Variants in ENTREP1 observed in about 807,000 individuals in gnomAD.
ENTREP1 encodes endosomal transmembrane epsin interactor 1.
chr9:69,366,871 T>C, the ENTREP1 span, among the ~76,000 whole-genome samples: 1 of 152,030 alleles, frequency 6.6e-6, no homozygotes, highest in Non-Finnish European at 1.5e-5. Flanking sequence ...TATTTCTGGG[T>C]TCTCTATTCT....
At chr9:69,385,700 G>T in the ENTREP1 span, 3 of 1,420,504 alleles carry the variant, frequency 2.1e-6, no homozygotes, top group Non-Finnish European at 2.7e-6. Flanking sequence ...GCAGGTTTAG[G>T]CTCCCAGGTG....
At chr9:69,387,995 T>TGTTATG in the ENTREP1 span, 1 of 1,547,742 alleles carries the variant, frequency 6.5e-7, no homozygotes, top group Non-Finnish European at 8.7e-7. Context: ...AATAACCTTG[T>TGTTATG]GTTGTTTTCC....
chr9:69,346,834 C>T, the ENTREP1 span, among the ~76,000 whole-genome samples: 2 of 152,182 alleles, frequency 1.3e-5, no homozygotes, highest in South Asian at 2.1e-4. Flanking sequence ...TGATCTCCAT[C>T]TCCCAGCCTA....
At chr9:69,333,890 T>A in the ENTREP1 span, among the ~76,000 whole-genome samples, 3 of 152,192 alleles carry the variant, frequency 2.0e-5, no homozygotes, top group Non-Finnish European at 2.9e-5. Context: ...TGCACACACA[T>A]GCAAGCACAT....
chr9:69,347,957 G>A, the ENTREP1 span, among the ~76,000 whole-genome samples: 1 of 152,100 alleles, frequency 6.6e-6, no homozygotes, highest in Non-Finnish European at 1.5e-5. Flanking sequence ...TCTCTAGTAC[G>A]TGCTTGGTAT....
chr9:69,325,651 C>G, the ENTREP1 span: 2 of 1,231,512 alleles, frequency 1.6e-6, no homozygotes, highest in Admixed American at 4.2e-5. Flanking sequence ...TGGTGGCGCT[C>G]AGCTTCGGGG....
the ENTREP1 span, among the ~76,000 whole-genome samples, chr9:69,364,512 C>T: frequency 2.6e-5 from 4 of 151,838 alleles, no homozygotes; most frequent in South Asian, 4.2e-4. Context: ...ATTTTCTTGT[C>T]GTCAGTTTAA....
the ENTREP1 span, among the ~76,000 whole-genome samples, chr9:69,341,048 C>A: frequency 3.3e-5 from 5 of 152,078 alleles, no homozygotes; most frequent in African/African-American, 1.2e-4. Context: ...AAAAATTTTT[C>A]TTTGGTGGTA....
At chr9:69,356,506 C>G in the ENTREP1 span, among the ~76,000 whole-genome samples, 1 of 151,922 alleles carries the variant, frequency 6.6e-6, no homozygotes. Context: ...TGATCTGATT[C>G]TTTAACCTGC....
the ENTREP1 span, among the ~76,000 whole-genome samples, chr9:69,360,610 A>G: frequency 6.6e-6 from 1 of 152,186 alleles, no homozygotes; most frequent in Non-Finnish European, 1.5e-5. Flanking sequence ...CATATATTCA[A>G]GTACATCTGT....
At chr9:69,329,775 A>AGC in the ENTREP1 span, 2 of 240,400 alleles carry the variant, frequency 8.3e-6, no homozygotes, top group Non-Finnish European at 9.5e-6. Flanking sequence ...GGGTGCGTTT[A>AGC]GTGTTAACTA....
chr9:69,325,274 CCGGCCG>C, the ENTREP1 span: 2 of 31,418 alleles, frequency 6.4e-5, no homozygotes, highest in East Asian at 6.8e-4. Flanking sequence ...CCCGCCGCAG[CCGGCCG>C]CACCCGGCCG....
the ENTREP1 span, chr9:69,391,809 TG>T: frequency 2.5e-6 from 4 of 1,589,148 alleles, no homozygotes; most frequent in Non-Finnish European, 3.4e-6. Flanking sequence ...CTGTGAACCC[TG>T]GAAGACAGAA....
At chr9:69,391,880 TC>T in the ENTREP1 span, 2 of 1,398,484 alleles carry the variant, frequency 1.4e-6, no homozygotes, top group Non-Finnish European at 2.0e-6. Context: ...GGAGCTGTGG[TC>T]CACCTCAAAA....
At chr9:69,350,053 G>A in the ENTREP1 span, among the ~76,000 whole-genome samples, 1 of 152,122 alleles carries the variant, frequency 6.6e-6, no homozygotes, top group African/African-American at 2.4e-5. Context: ...CTTTCTTGAT[G>A]ATGCCCTTTG....
the ENTREP1 span, among the ~76,000 whole-genome samples, chr9:69,367,762 T>TACACATATATATAAATATATATAC: frequency 1.0e-4 from 9 of 86,366 alleles, no homozygotes; most frequent in African/African-American, 1.7e-4. Context: ...AATATATATA[T>TACACATATATATAAATATATATAC]ACACATATAT....
chr9:69,391,001 C>T, the ENTREP1 span, among the ~76,000 whole-genome samples: 1 of 147,558 alleles, frequency 6.8e-6, no homozygotes, highest in Non-Finnish European at 1.5e-5. Context: ...TCAGGCTGGT[C>T]TCAAACTCCT....
chr9:69,371,851 C>T, the ENTREP1 span, among the ~76,000 whole-genome samples: 1 of 152,146 alleles, frequency 6.6e-6, no homozygotes, highest in Non-Finnish European at 1.5e-5. Context: ...TATAATGCAT[C>T]ATTAGTTAGT....
the ENTREP1 span, chr9:69,329,581 T>C: frequency 1.0e-6 from 1 of 985,370 alleles, no homozygotes; most frequent in Non-Finnish European, 1.2e-6. Flanking sequence ...TTTTGAGCAC[T>C]CTGAGCATTT....
Sources: allele counts gnomAD v4.1 joint callset (sites outside exome capture counted in the v4.1 genomes callset), GRCh38; gene constraint gnomAD v4.1.1; transcripts MANE v1.5; gene names NCBI Gene and HGNC (gene_info 2026-07-23, HGNC 2026-07-21).